E2F3: variants seen among roughly 807,000 people sequenced by gnomAD.
E2F3 encodes the protein E2F transcription factor 3.
A neutral mutation model predicts 44.4 loss-of-function variants in E2F3; 11 were observed. That is an observed-to-expected ratio of 0.25 (90% CI 0.16 to 0.41). The LOEUF is 0.41. Among genes scored for constraint, E2F3 ranks in the 10% least tolerant of loss-of-function variants. The pLI is 1.00. For synonymous variants in E2F3, 249 were observed against 253.0 expected, an observed-to-expected ratio of 0.98 and a Z score of 0.15; for missense variants, 487 against 583.6, an observed-to-expected ratio of 0.83 and a Z score of 1.70.
chr6:20,487,165 G>A (rs991039871), intron 5 of E2F3, among the ~76,000 whole-genome samples: 1 of 152,156 alleles, frequency 6.6e-6, no homozygotes, highest in Non-Finnish European at 1.5e-5. Context: ...ATATATAAAT[G>A]TTTTAAAGTC....
rs888363260 is a variant in E2F3, at chr6:20,493,695, A to G, written c.*3265A>G. 2.6e-5 allele frequency: 5 copies of G among 193,574 alleles called. No homozygotes were observed. The highest frequency in any genetic ancestry group is 4.6e-5 in the African/African-American group (2 of 43,106). 12.0% of individuals were successfully genotyped at this position (193,574 alleles called of 1,614,324 possible). On this transcript the variant is annotated 3_prime_UTR_variant, in exon 7 of 7. Transcript: ENST00000346618. ...ATTTTGTATGGTAAAGGATCAATAA[A>G]ATGATTTTTTTTAAGAGTTCAGGCT...
chr6:20,467,206 C>G (rs1761743817), intron 1 of E2F3, among the ~76,000 whole-genome samples: 1 of 152,148 alleles, frequency 6.6e-6, no homozygotes, highest in African/African-American at 2.4e-5. Flanking sequence ...ATGGGGCATC[C>G]ACATTAAAGG....
intron 1 of E2F3, among the ~76,000 whole-genome samples, chr6:20,420,338 C>T (rs1211955914): frequency 2.6e-5 from 4 of 152,044 alleles, no homozygotes; most frequent in African/African-American, 9.7e-5. Context: ...CTGTGAGTAG[C>T]CTCTTTGAAT....
intron 1 of E2F3, among the ~76,000 whole-genome samples, chr6:20,471,916 A>AT (rs1352876545): frequency 2.6e-5 from 4 of 151,792 alleles, no homozygotes; most frequent in South Asian, 4.1e-4. Flanking sequence ...GTGGTTTCAT[A>AT]TTTTTTTATA....
intron 1 of E2F3, among the ~76,000 whole-genome samples, chr6:20,431,244 C>A (rs1280442520): frequency 1.3e-5 from 2 of 152,158 alleles, no homozygotes. Context: ...ATCTCTGTGG[C>A]CTCAAATGGG....
intron 1 of E2F3, among the ~76,000 whole-genome samples, chr6:20,414,444 T>A (rs1759776260): frequency 6.6e-6 from 1 of 152,060 alleles, no homozygotes; most frequent in African/African-American, 2.4e-5. Context: ...CTTTTTGCCA[T>A]GATTTCCTAC....
At position 20,422,288 on chromosome 6, in the gene E2F3, C is replaced by T. The variant is rs542039597; in HGVS notation, c.393+19663C>T. Among the ~76,000 whole-genome samples the T allele has an allele frequency of 4.6e-5, 7 of 152,328 alleles. No individual in the cohort carries two copies. In the East Asian group the frequency reaches 7.7e-4, roughly 17 times the overall value. On this transcript the variant is annotated intron_variant, in intron 1 of 6. Transcript: ENST00000346618. ...CTCTGCAGCTTCCTCACCTGTCAGC[C>T]GTCAAAAGAGCTGATGAGATTTAGG...
At position 20,492,047 on chromosome 6, in the gene E2F3, C is replaced by G. The variant is rs1166444920; in HGVS notation, c.*1617C>G. The stretch of plus-strand genomic sequence containing the variant: ...AGGGAGTCAGATAAAGAACAAACCT[C>G]GAAACGAACAGTTAAATTGAAATGC... On this transcript the variant is annotated 3_prime_UTR_variant, in exon 7 of 7. Coordinates refer to ENST00000346618, the MANE Select transcript of E2F3 (RefSeq NM_001949.5). 5.1e-6 allele frequency: 1 copy of G among 196,876 alleles called. No homozygotes were observed. The highest frequency in any genetic ancestry group is 7.9e-5 in the East Asian group (1 of 12,722). 12.2% of individuals were successfully genotyped at this position (196,876 alleles called of 1,614,324 possible).
chr6:20,416,189 A>G (rs1759839663), intron 1 of E2F3, among the ~76,000 whole-genome samples: 2 of 152,188 alleles, frequency 1.3e-5, no homozygotes, highest in South Asian at 4.1e-4. Context: ...TGTGGTTGTC[A>G]TTAAGTTGGG....
At chr6:20,403,860 G>A in intron 1 of E2F3, 70 of 1,359,648 alleles carry the variant, frequency 5.1e-5, no homozygotes, top group Non-Finnish European at 6.8e-5. Flanking sequence ...CTCGGGGGCC[G>A]CCGACGCCGC....
chr6:20,427,962 C>T lies in E2F3; in HGVS notation c.393+25337C>T, dbSNP rs562426418. Among the ~76,000 whole-genome samples, 4 of 152,290 alleles carry T rather than the reference C, an allele frequency of 2.6e-5. No homozygotes were observed. The East Asian group carries it at 7.7e-4, about 29-fold the overall frequency. The stretch of plus-strand genomic sequence containing the variant: ...AGGCCTCGGTGAACACCGCTGTTCA[C>T]CAAGGGACTTTGGTCCCTCTCCTGC... On this transcript the variant is annotated intron_variant, in intron 1 of 6. Coordinates refer to ENST00000346618, the MANE Select transcript of E2F3 (RefSeq NM_001949.5).
intron 1 of E2F3, among the ~76,000 whole-genome samples, chr6:20,472,697 T>C (rs1384524099): frequency 6.6e-6 from 1 of 152,148 alleles, no homozygotes; most frequent in East Asian, 1.9e-4. Flanking sequence ...TTCTAGTATC[T>C]GTCCCTTGTT....
intron 1 of E2F3, among the ~76,000 whole-genome samples, chr6:20,415,883 A>G (rs28444514): frequency 0.011 from 1,634 of 152,284 alleles, 34 homozygotes; most frequent in African/African-American, 0.037. Flanking sequence ...TCTGCAGTTC[A>G]GGGAAGGAAG....
rs1021808219 is a variant in E2F3 at position 20,491,002 on chromosome 6, G to A, written c.*572G>A. The A allele has an allele frequency of 8.7e-6, 2 of 229,072 alleles. No homozygotes were observed. Among genetic ancestry groups the A allele is most frequent in the Non-Finnish European group, 1.7e-5 (2 of 115,264 alleles). 14.2% of individuals were successfully genotyped at this position (229,072 alleles called of 1,614,324 possible). On this transcript the variant is annotated 3_prime_UTR_variant, in exon 7 of 7. Coordinates refer to ENST00000346618, the MANE Select transcript of E2F3 (RefSeq NM_001949.5). Reference sequence around the variant, plus strand: ...ACTGTCATAATTCAGTTTAAGCTATGAACTGTGTGTCCCAGTAGGAGGTCA... The same window carrying A: ...ACTGTCATAATTCAGTTTAAGCTATAAACTGTGTGTCCCAGTAGGAGGTCA...
chr6:20,432,283 A>AG (rs535843408), intron 1 of E2F3, among the ~76,000 whole-genome samples: 364 of 152,054 alleles, frequency 2.4e-3, no homozygotes, highest in African/African-American at 8.4e-3. Context: ...GGCCTTGGGG[A>AG]GGGGGGTCTG....
intron 1 of E2F3, among the ~76,000 whole-genome samples, chr6:20,405,658 A>G (rs1287096208): frequency 2.0e-5 from 3 of 152,066 alleles, no homozygotes; most frequent in Non-Finnish European, 2.9e-5. Flanking sequence ...CCCCGTCTCT[A>G]CTAAAAATAC....
intron 1 of E2F3, among the ~76,000 whole-genome samples, chr6:20,464,817 C>T (rs899116147): frequency 1.2e-4 from 18 of 152,174 alleles, no homozygotes; most frequent in African/African-American, 4.1e-4. Context: ...ACCTTAGTTC[C>T]ATCAACCCTT....
intron 1 of E2F3, among the ~76,000 whole-genome samples, chr6:20,458,760 C>T (rs1163597179): frequency 6.6e-6 from 1 of 152,114 alleles, no homozygotes; most frequent in Non-Finnish European, 1.5e-5. Flanking sequence ...ATATTCTGTT[C>T]CCCAGAAGTG....
intron 1 of E2F3, among the ~76,000 whole-genome samples, chr6:20,460,507 A>G (rs890026694): frequency 6.6e-6 from 1 of 152,196 alleles, no homozygotes; most frequent in Admixed American, 6.5e-5. Flanking sequence ...AATGTTCTAT[A>G]ATATGGGTAT....
Sources: gnomAD v4.1 joint callset for allele counts (sites outside exome capture counted in the v4.1 genomes callset) on GRCh38, gnomAD v4.1.1 for gene constraint, MANE v1.5 for transcripts, NCBI Gene and HGNC (gene_info 2026-07-23, HGNC 2026-07-21) for gene names.